Variants in CREB5 observed in about 807,000 individuals in gnomAD.
The protein encoded by CREB5 is cyclic AMP-responsive element-binding protein 5.
Under a neutral mutation model 57.1 loss-of-function variants are expected in CREB5, and 19 were observed. That is an observed-to-expected ratio of 0.33 (90% CI 0.23 to 0.49). The LOEUF (loss-of-function observed/expected upper bound fraction) is 0.49, where lower values mean the gene tolerates loss of function less well. Among genes scored for constraint, CREB5 ranks in the 20% least tolerant of loss-of-function variants. The pLI is 0.99. For synonymous variants in CREB5, 238 were observed against 238.3 expected (o/e 1.00, Z 0.01); for missense variants, 579 against 671.6 (o/e 0.86, Z 1.52).
At chr7:28,720,449 G>T (rs932150039) in intron 6 of CREB5, among the ~76,000 whole-genome samples, 1 of 152,216 alleles carries the variant, frequency 6.6e-6, no homozygotes, top group Admixed American at 6.5e-5. Flanking sequence ...CACACAGCTT[G>T]TGAGTGAAGA....
At chr7:28,558,676 A>G (rs1794965258) in intron 4 of CREB5, among the ~76,000 whole-genome samples, 1 of 152,166 alleles carries the variant, frequency 6.6e-6, no homozygotes, top group Non-Finnish European at 1.5e-5. Flanking sequence ...ACAGGAGCTG[A>G]GAAAGGGGGG....
chr7:28,604,551 T>C (rs951352018), intron 5 of CREB5, among the ~76,000 whole-genome samples: 1 of 152,036 alleles, frequency 6.6e-6, no homozygotes, highest in African/African-American at 2.4e-5. Context: ...ATGTATCCAA[T>C]TGAGGAACTT....
chr7:28,337,141 A>T (rs2098197), intron 1 of CREB5, among the ~76,000 whole-genome samples: 108,397 of 151,992 alleles, frequency 0.71, 39,189 homozygotes, highest in Non-Finnish European at 0.77. Flanking sequence ...GAATGATCCA[A>T]GTGCTGAGGA....
chr7:28,309,269 CCTGA>C (rs1785236692), intron 1 of CREB5, among the ~76,000 whole-genome samples: 1 of 152,116 alleles, frequency 6.6e-6, no homozygotes, highest in African/African-American at 2.4e-5. Flanking sequence ...TCTGGAGAGC[CCTGA>C]CTAATACACC....
At chr7:28,583,859 G>A (rs902177381) in intron 5 of CREB5, among the ~76,000 whole-genome samples, 1 of 151,932 alleles carries the variant, frequency 6.6e-6, no homozygotes, top group Non-Finnish European at 1.5e-5. Context: ...TGTATTTTTA[G>A]TAGAGACAGG....
At chr7:28,669,675 G>A (rs1331749245) in intron 5 of CREB5, among the ~76,000 whole-genome samples, 1 of 152,188 alleles carries the variant, frequency 6.6e-6, no homozygotes, top group African/African-American at 2.4e-5. Context: ...TCACATCAAG[G>A]GCAACAGGGG....
rs911963894 is a variant in CREB5, at chr7:28,632,292, T to C, written c.464+61755T>C. On this transcript the variant is annotated intron_variant, in intron 5 of 10. Transcript: ENST00000357727. ...ACTTCCTCCCTCTCTCACTTTTCCA[T>C]TTCCTCTACCTCCTGTCCTTGCAGA... Among the ~76,000 whole-genome samples, 3 of 152,204 alleles carry C rather than the reference T, an allele frequency of 2.0e-5. No homozygotes were observed. In the South Asian group the frequency reaches 6.2e-4, roughly 32 times the overall value.
At chr7:28,417,592 T>A (rs1171711645) in intron 1 of CREB5, among the ~76,000 whole-genome samples, 1 of 152,160 alleles carries the variant, frequency 6.6e-6, no homozygotes, top group Non-Finnish European at 1.5e-5. Context: ...ATTTAATTGG[T>A]TTGGGGTGAA....
At chr7:28,330,514 G>T (rs1785695943) in intron 1 of CREB5, among the ~76,000 whole-genome samples, 1 of 144,242 alleles carries the variant, frequency 6.9e-6, no homozygotes, top group Non-Finnish European at 1.5e-5. Flanking sequence ...TATTATTAAT[G>T]ACAGATTGAA....
intron 1 of CREB5, among the ~76,000 whole-genome samples, chr7:28,487,107 C>T (rs1426126502): frequency 1.3e-5 from 2 of 152,122 alleles, no homozygotes; most frequent in East Asian, 1.9e-4. Flanking sequence ...ACCTCTGCCT[C>T]CTGGGTTCAA....
intron 5 of CREB5, among the ~76,000 whole-genome samples, chr7:28,638,147 G>T (rs1355167080): frequency 1.6e-4 from 24 of 151,982 alleles, no homozygotes; most frequent in Admixed American, 1.6e-3. Context: ...GCCAAATGAG[G>T]TTTATCAGCA....
At chr7:28,390,313 G>T (rs1378845053) in intron 1 of CREB5, among the ~76,000 whole-genome samples, 1 of 152,078 alleles carries the variant, frequency 6.6e-6, no homozygotes, top group Non-Finnish European at 1.5e-5. Flanking sequence ...TGTGCAGTCC[G>T]TTCATAAAAA....
chr7:28,690,219 G>T (rs1801180224), intron 5 of CREB5, among the ~76,000 whole-genome samples: 1 of 152,128 alleles, frequency 6.6e-6, no homozygotes, highest in Non-Finnish European at 1.5e-5. Context: ...GGGTCCCTGG[G>T]GCTGTGCTCC....
At chr7:28,357,244 T>C (rs980522540) in intron 1 of CREB5, among the ~76,000 whole-genome samples, 2 of 152,206 alleles carry the variant, frequency 1.3e-5, no homozygotes, top group Non-Finnish European at 2.9e-5. Context: ...TTCTTCAGCA[T>C]GGATCTAGAT....
chr7:28,414,460 A>G (rs1461871573), intron 1 of CREB5, among the ~76,000 whole-genome samples: 2 of 152,160 alleles, frequency 1.3e-5, no homozygotes, highest in African/African-American at 4.8e-5. Context: ...TAAGAAAATT[A>G]TACAATTGAG....
At chr7:28,374,399 T>C (rs1211662638) in intron 1 of CREB5, among the ~76,000 whole-genome samples, 1 of 152,162 alleles carries the variant, frequency 6.6e-6, no homozygotes, top group Non-Finnish European at 1.5e-5. Flanking sequence ...ATGTTCACCG[T>C]GGTATAATTA....
chr7:28,609,268 C>T (rs949421607), intron 5 of CREB5: 5 of 152,082 alleles, frequency 3.3e-5, no homozygotes, highest in Non-Finnish European at 5.9e-5. Context: ...TCTTTGGGGT[C>T]CTATGTCTGT....
At position 28,750,110 on chromosome 7, in the gene CREB5, C is replaced by T. The variant is rs1451448443; in HGVS notation, c.702+25778C>T. Among the ~76,000 whole-genome samples the T allele has an allele frequency of 3.3e-4, 50 of 151,540 alleles. 1 individual carries two copies. Among genetic ancestry groups the T allele is most frequent in the Non-Finnish European group, 4.4e-5 (3 of 67,836 alleles). On this transcript the variant is annotated intron_variant, in intron 7 of 10. Transcript: ENST00000357727. The stretch of plus-strand genomic sequence containing the variant: ...TGGAAATATGCATTTTTTCTTTTTT[C>T]CTTTAGTATTTTTGAAATGAGAATA...
chr7:28,568,426 T>C (rs1795564732), intron 4 of CREB5, among the ~76,000 whole-genome samples: 1 of 152,136 alleles, frequency 6.6e-6, no homozygotes, highest in Non-Finnish European at 1.5e-5. Flanking sequence ...GTTTCTGACC[T>C]CCTCAAGACC....
Sources: gnomAD v4.1 joint callset for allele counts (sites outside exome capture counted in the v4.1 genomes callset) on GRCh38, gnomAD v4.1.1 for gene constraint, MANE v1.5 for transcripts, NCBI Gene and HGNC (gene_info 2026-07-23, HGNC 2026-07-21) for gene names.